The following TENM3 variants were observed in gnomAD, a reference collection of about 807,000 sequenced individuals.
TENM3 encodes the protein teneurin-3.
Under a neutral mutation model 255.1 loss-of-function variants are expected in TENM3, and 63 were observed. The ratio of observed to expected loss-of-function variants is 0.25; its 90% confidence interval spans 0.20 to 0.30. TENM3 has a LOEUF of 0.30. Ranked by LOEUF, TENM3 falls within the 10% of genes least tolerant of loss-of-function variation. The probability of loss-of-function intolerance (pLI) is 1.00; values close to 1 mark genes in which losing one functional copy is unlikely to be tolerated. For missense variants in TENM3, 2,929 were observed against 3,461.1 expected (o/e 0.85, Z 3.86); for synonymous variants, 1,306 against 1,322.3 (o/e 0.99, Z 0.27).
chr4:181,745,163 A>T, the TENM3 span, among the ~76,000 whole-genome samples: 1 of 152,256 alleles, frequency 6.6e-6, no homozygotes, highest in Non-Finnish European at 1.5e-5. Context: ...AGTAGAAAGA[A>T]ACCAGAAAAG....
At chr4:182,727,332 T>C (rs1474946995) in intron 13 of TENM3, among the ~76,000 whole-genome samples, 1 of 151,812 alleles carries the variant, frequency 6.6e-6, no homozygotes, top group South Asian at 2.1e-4. Flanking sequence ...GGCAGGTGCC[T>C]TTAGTCCCAG....
the TENM3 span, among the ~76,000 whole-genome samples, chr4:181,475,124 C>T: frequency 6.6e-6 from 1 of 152,320 alleles, no homozygotes; most frequent in African/African-American, 2.4e-5. Context: ...TCTTGTTTCA[C>T]ATTGAAACAG....
chr4:182,729,272 G>A, intron 14 of TENM3, 91 bp downstream of exon 14: 2 of 1,108,292 alleles, frequency 1.8e-6, no homozygotes, highest in Non-Finnish European at 2.6e-6. Flanking sequence ...TGAACCTGAG[G>A]AAAGTGCTGT....
intron 1 of TENM3, among the ~76,000 whole-genome samples, chr4:182,227,105 A>C (rs1756209083): frequency 6.6e-6 from 1 of 152,206 alleles, no homozygotes; most frequent in Non-Finnish European, 1.5e-5. Flanking sequence ...TATATAAGAC[A>C]GCTCAAGCAG....
chr4:182,504,399 A>C (rs1736611992), intron 3 of TENM3, among the ~76,000 whole-genome samples: 1 of 152,226 alleles, frequency 6.6e-6, no homozygotes, highest in Non-Finnish European at 1.5e-5. Context: ...GCTGGCTTTC[A>C]TACAAATTAC....
At chr4:182,655,873 A>G (rs996057983) in intron 6 of TENM3, among the ~76,000 whole-genome samples, 3 of 152,164 alleles carry the variant, frequency 2.0e-5, no homozygotes, top group Non-Finnish European at 4.4e-5. Flanking sequence ...TCCCAAAATA[A>G]TATTTATCCT....
the TENM3 span, among the ~76,000 whole-genome samples, chr4:181,786,087 G>A: frequency 6.6e-6 from 1 of 152,134 alleles, no homozygotes; most frequent in South Asian, 2.1e-4. Flanking sequence ...AGAAGCATAA[G>A]GAGGAAAATG....
intron 5 of TENM3, among the ~76,000 whole-genome samples, chr4:182,639,216 A>G (rs1271951742): frequency 1.3e-5 from 2 of 152,208 alleles, no homozygotes; most frequent in Non-Finnish European, 2.9e-5. Context: ...TTTATTTTTA[A>G]AATACTGTTA....
At chr4:181,727,927 A>G in the TENM3 span, among the ~76,000 whole-genome samples, 3 of 152,356 alleles carry the variant, frequency 2.0e-5, no homozygotes, top group East Asian at 3.9e-4. Context: ...TTGGTGGGTA[A>G]CACATGATTC....
the TENM3 span, among the ~76,000 whole-genome samples, chr4:181,491,675 T>C: frequency 2.0e-4 from 31 of 152,234 alleles, no homozygotes; most frequent in Admixed American, 1.6e-3. Flanking sequence ...TGTTGAAAAG[T>C]AGGTTAAGTA....
chr4:181,832,407 AAAGCAT>A, the TENM3 span, among the ~76,000 whole-genome samples: 2 of 152,200 alleles, frequency 1.3e-5, no homozygotes, highest in African/African-American at 4.8e-5. Context: ...TAACTAGCTT[AAAGCAT>A]AAGAAAACGG....
intron 4 of TENM3, among the ~76,000 whole-genome samples, chr4:182,623,110 A>T (rs1224430697): frequency 6.7e-6 from 1 of 150,318 alleles, no homozygotes; most frequent in Non-Finnish European, 1.5e-5. Context: ...TTCCAGGTTC[A>T]CGCCATTCTC....
chr4:181,505,102 C>G, the TENM3 span, among the ~76,000 whole-genome samples: 10 of 152,144 alleles, frequency 6.6e-5, no homozygotes, highest in Non-Finnish European at 1.3e-4. Flanking sequence ...GAAATGACCT[C>G]GAGACACCAA....
chr4:181,878,248 A>G, the TENM3 span, among the ~76,000 whole-genome samples: 1 of 151,896 alleles, frequency 6.6e-6, no homozygotes, highest in Non-Finnish European at 1.5e-5. Context: ...GGGTGAATGG[A>G]TAGGTAGGTA....
the TENM3 span, among the ~76,000 whole-genome samples, chr4:181,517,000 C>A: frequency 6.6e-6 from 1 of 152,294 alleles, no homozygotes; most frequent in African/African-American, 2.4e-5. Context: ...AAACACTACC[C>A]TCTTTTGTAC....
chr4:182,084,767 G>T, the TENM3 span: 1 of 152,134 alleles, frequency 6.6e-6, no homozygotes, highest in Non-Finnish European at 1.5e-5. Context: ...TGACATCTTA[G>T]AAATGTAGTG....
intron 3 of TENM3, among the ~76,000 whole-genome samples, chr4:182,580,295 A>G (rs901603746): frequency 6.6e-6 from 1 of 151,960 alleles, no homozygotes; most frequent in Non-Finnish European, 1.5e-5. Flanking sequence ...TCTTTTCTGT[A>G]TTCTAAATGA....
At chr4:181,862,608 T>A in the TENM3 span, among the ~76,000 whole-genome samples, 3 of 152,140 alleles carry the variant, frequency 2.0e-5, no homozygotes, top group Non-Finnish European at 4.4e-5. Flanking sequence ...TATTTTCAGG[T>A]CTTACGATGT....
At chr4:182,028,526 A>G in the TENM3 span, among the ~76,000 whole-genome samples, 3 of 152,220 alleles carry the variant, frequency 2.0e-5, no homozygotes, top group East Asian at 5.8e-4. Context: ...ATTCATTAAG[A>G]TGCATCACTG....
Sources: allele counts gnomAD v4.1 joint callset (sites outside exome capture counted in the v4.1 genomes callset), GRCh38; gene constraint gnomAD v4.1.1; transcripts MANE v1.5; gene names NCBI Gene and HGNC (gene_info 2026-07-23, HGNC 2026-07-21).